Variants in TALDO1 observed in about 807,000 individuals in gnomAD.
TALDO1 encodes transaldolase.
Under a neutral mutation model 38.1 loss-of-function variants are expected in TALDO1, and 29 were observed. The ratio of observed to expected loss-of-function variants is 0.76; its 90% confidence interval spans 0.57 to 1.04. TALDO1 has a LOEUF of 1.04. TALDO1 is among the 50% of genes least tolerant of loss of function. TALDO1 has a pLI of 0.00. For missense variants in TALDO1, 499 were observed against 438.1 expected (o/e 1.14, Z -1.24); for synonymous variants, 207 against 176.8 (o/e 1.17, Z -1.36).
At chr11:754,710 G>A (rs570241780) in intron 1 of TALDO1, among the ~76,000 whole-genome samples, 1 of 152,266 alleles carries the variant, frequency 6.6e-6, no homozygotes, top group East Asian at 1.9e-4. Flanking sequence ...GACCTCAGGC[G>A]ATCCACCAGC....
Position 755,962 on chromosome 11 carries a change from C to A in TALDO1, c.181C>A (p.Leu61Met), listed in dbSNP as rs149640294. The A allele has an allele frequency of 2.5e-6, 4 of 1,613,896 alleles. No individual in the cohort carries two copies. The highest frequency in any genetic ancestry group is 3.4e-6 in the Non-Finnish European group (4 of 1,179,982). ...AAAQMPAYQE[L>M]VEEAIAYGRK... ...AGCACAGATGCCCGCTTACCAGGAG[C>A]TGGTGGAGGAGGCGATTGCCTATGG... The change falls in exon 2 of 8, where the codon CTG becomes ATG. Residue 61 changes from leucine (L) to methionine (M), a missense_variant. By Grantham distance (15) the Leu-to-Met change is conservative. Transcript: ENST00000319006.
intron 4 of TALDO1, among the ~76,000 whole-genome samples, chr11:762,976 G>A (rs879779889): frequency 1.2e-4 from 19 of 152,162 alleles, no homozygotes; most frequent in Non-Finnish European, 2.8e-4. Context: ...AAGAGCACGG[G>A]CACCCAGAGG....
At position 758,847 on chromosome 11, in the gene TALDO1, C is replaced by T. The variant is rs185224249; in HGVS notation, c.222-103C>T. 106 of 784,516 alleles carry T rather than the reference C, an allele frequency of 1.4e-4. No homozygotes were observed. In the East Asian group the frequency reaches 1.4e-3, roughly 11 times the overall value. 48.6% of individuals were successfully genotyped at this position (784,516 alleles called of 1,614,324 possible). A position where few individuals can be genotyped will look rare whatever the true frequency, so the allele number is the denominator to read the frequency against. ...GTCTTGATCTCCTGACCTCATGATC[C>T]GCCCACCTCGGCCTCCCAAAGTGCT... On this transcript the variant is annotated intron_variant, in intron 2 of 7. Coordinates refer to ENST00000319006, the MANE Select transcript of TALDO1 (RefSeq NM_006755.2).
chr11:753,608 C>A (rs1363927775), intron 1 of TALDO1, among the ~76,000 whole-genome samples: 1 of 151,722 alleles, frequency 6.6e-6, no homozygotes, highest in South Asian at 2.1e-4. Context: ...CCTGTAATCC[C>A]AGCTACTCAT....
intron 1 of TALDO1, 116 bp downstream of exon 1, chr11:747,694 C>T (rs1221678664): frequency 7.6e-6 from 7 of 926,168 alleles, no homozygotes; most frequent in African/African-American, 1.8e-5. Context: ...CCCCGGGCGG[C>T]TCGTTCCGGG....
chr11:761,962 GTTTT>G (rs538232832), intron 4 of TALDO1, among the ~76,000 whole-genome samples: 68 of 151,230 alleles, frequency 4.5e-4, no homozygotes, highest in Middle Eastern at 6.8e-3. Context: ...TCATTTGTGT[GTTTT>G]TTTGTTTTTT....
intron 1 of TALDO1, among the ~76,000 whole-genome samples, chr11:751,920 G>C (rs1012813887): frequency 6.6e-6 from 1 of 152,078 alleles, no homozygotes; most frequent in African/African-American, 2.4e-5. Context: ...TTATAATGTT[G>C]GGGCACTCTA....
At chr11:753,357 C>G (rs1293820055) in intron 1 of TALDO1, among the ~76,000 whole-genome samples, 6 of 151,902 alleles carry the variant, frequency 3.9e-5, no homozygotes, top group African/African-American at 1.5e-4. Flanking sequence ...CGGTGAAACC[C>G]CATCTCTACT....
At chr11:763,546 T>C (rs770062853) in intron 5 of TALDO1, 27 bp downstream of exon 5, 1 of 1,611,168 alleles carries the variant, frequency 6.2e-7, no homozygotes, top group South Asian at 1.1e-5. Context: ...GGTAATGGGG[T>C]AAGGGGAGCA....
At chr11:760,612 A>T (rs1034382289) in intron 4 of TALDO1, 2 of 298,094 alleles carry the variant, frequency 6.7e-6, no homozygotes, top group African/African-American at 4.3e-5. Context: ...CTATTGTTAT[A>T]TAAAATATAT....
At chr11:763,611 A>G in intron 5 of TALDO1, 92 bp downstream of exon 5, 2 of 1,583,682 alleles carry the variant, frequency 1.3e-6, no homozygotes, top group Non-Finnish European at 1.7e-6. Flanking sequence ...CGCATCAACA[A>G]GCAGTGAGGT....
chr11:758,910 C>G (rs375716755), intron 2 of TALDO1, 40 bp from the exon 3 acceptor site: 15 of 1,574,966 alleles, frequency 9.5e-6, no homozygotes, highest in African/African-American at 1.4e-5. Flanking sequence ...TGGCGAACCT[C>G]AGAAGCTTCT....
rs561218161 is a variant in TALDO1, at chr11:764,810, T to C, written c.982-3T>C. 1.2e-6 allele frequency: 2 copies of C among 1,614,180 alleles called. No homozygotes were observed. The highest frequency in any genetic ancestry group is 1.3e-5 in the African/African-American group (1 of 75,056). ...ACACAGCTCGTGCTCTGTTTGTTTC[T>C]AGGAACGAATGTTCAATGCAGAGAA... On this transcript the variant is annotated splice_region_variant and splice_polypyrimidine_tract_variant and intron_variant, in intron 7 of 7. Coordinates refer to ENST00000319006, the MANE Select transcript of TALDO1 (RefSeq NM_006755.2).
At chr11:762,046 A>G (rs942232770) in intron 4 of TALDO1, among the ~76,000 whole-genome samples, 1 of 151,630 alleles carries the variant, frequency 6.6e-6, no homozygotes, top group African/African-American at 2.4e-5. Flanking sequence ...GCTCACTGCA[A>G]CCTCCACCTC....
Position 763,268 on chromosome 11 carries a change from CCCCGCCCTCACCCGCCCCCGCCCTCACCT to C in TALDO1, c.462-75_462-47del, listed in dbSNP as rs1463805029. ...CCTCACCCATCCCCGCCCTCACCGT[CCCCGCCCTCACCCGCCCCCGCCCTCACCT>C]GTCCCCGCCCTCACCTGCCCCGCCC... On this transcript the variant is annotated intron_variant, in intron 4 of 7. Coordinates refer to ENST00000319006, the MANE Select transcript of TALDO1 (RefSeq NM_006755.2). 50 of 283,742 alleles carry C rather than the reference CCCCGCCCTCACCCGCCCCCGCCCTCACCT, an allele frequency of 1.8e-4. 3 individuals carry two copies. Among genetic ancestry groups the C allele is most frequent in the African/African-American group, 1.3e-3 (41 of 31,462 alleles). The allele number at this position is 283,742 out of a possible 1,614,324, so 17.6% of individuals were successfully genotyped here. A position where few individuals can be genotyped will look rare whatever the true frequency, so the allele number is the denominator to read the frequency against.
intron 1 of TALDO1, among the ~76,000 whole-genome samples, chr11:751,306 A>C (rs553704193): frequency 6.6e-6 from 1 of 152,158 alleles, no homozygotes; most frequent in South Asian, 2.1e-4. Context: ...TCTAAATTCA[A>C]CGTTTTATTT....
In TALDO1 at chr11:763,416, T is replaced by C. The variant is rs1489177467; in HGVS notation, c.534T>C (p.Cys178=). ...TCTCCTTCGCCCAGGCTGTGGCCTGTGCCGAGGCGGGTGTGACCCTCATCT... is the reference window on the plus strand; with the variant it reads ...TCTCCTTCGCCCAGGCTGTGGCCTGCGCCGAGGCGGGTGTGACCCTCATCT... ...LLFSFAQAVA[C]AEAGVTLISP... is the part of the protein sequence containing the mutation. Residue 178 remains cysteine (C), a synonymous_variant, in exon 5 of 8, where the codon TGT becomes TGC. Coordinates refer to ENST00000319006, the MANE Select transcript of TALDO1 (RefSeq NM_006755.2). The C allele has an allele frequency of 6.2e-7, 1 of 1,613,306 alleles. No homozygotes were observed. The highest frequency in any genetic ancestry group is 1.1e-5 in the South Asian group (1 of 91,042).
At chr11:755,339 T>G (rs1465023272) in intron 1 of TALDO1, among the ~76,000 whole-genome samples, 5 of 151,794 alleles carry the variant, frequency 3.3e-5, no homozygotes, top group Admixed American at 2.0e-4. Context: ...AGAGACGGGG[T>G]TTCACCGTGT....
intron 4 of TALDO1, among the ~76,000 whole-genome samples, chr11:762,400 G>A (rs750047996): frequency 6.6e-6 from 1 of 152,074 alleles, no homozygotes; most frequent in African/African-American, 2.4e-5. Context: ...TCCATTTCTC[G>A]GGCTGTGATG....
Sources: allele counts gnomAD v4.1 joint callset (sites outside exome capture counted in the v4.1 genomes callset), GRCh38; gene constraint gnomAD v4.1.1; transcripts MANE v1.5; gene names NCBI Gene and HGNC (gene_info 2026-07-23, HGNC 2026-07-21).